Variants in MAN1C1 observed in about 807,000 individuals in gnomAD.
MAN1C1 encodes the protein mannosidase alpha class 1C member 1.
MAN1C1 carries 49 observed loss-of-function variants against 71.5 expected under a neutral mutation model. The ratio of observed to expected loss-of-function variants is 0.69; its 90% CI spans 0.54 to 0.87. The LOEUF (loss-of-function observed/expected upper bound fraction) is 0.87. MAN1C1 is among the 40% of genes least tolerant of loss of function. MAN1C1 has a pLI of 0.00. For synonymous variants in MAN1C1, 352 were observed against 343.7 expected (o/e 1.02, Z -0.27); for missense variants, 743 against 835.0 (o/e 0.89, Z 1.36).
intron 2 of MAN1C1, among the ~76,000 whole-genome samples, chr1:25,734,232 G>A (rs962759527): frequency 1.3e-5 from 2 of 152,186 alleles, no homozygotes; most frequent in African/African-American, 2.4e-5. Flanking sequence ...GGGTTCAAGC[G>A]ATTCTCATGC....
chr1:25,703,707 T>C (rs1239606363), intron 2 of MAN1C1, among the ~76,000 whole-genome samples: 1 of 152,182 alleles, frequency 6.6e-6, no homozygotes, highest in Non-Finnish European at 1.5e-5. Context: ...AAGTGGGATC[T>C]GCAGATGGGA....
intron 1 of MAN1C1, among the ~76,000 whole-genome samples, chr1:25,661,357 G>A (rs568546679): frequency 6.6e-6 from 1 of 152,346 alleles, no homozygotes; most frequent in African/African-American, 2.4e-5. Flanking sequence ...ACACAGCAAT[G>A]AACAAGACAG....
At chr1:25,687,088 CA>C (rs1182066407) in intron 2 of MAN1C1, among the ~76,000 whole-genome samples, 2 of 152,028 alleles carry the variant, frequency 1.3e-5, no homozygotes, top group African/African-American at 4.8e-5. Flanking sequence ...CCGGCCTGGG[CA>C]GCATATTGAG....
chr1:25,768,695 A>AAC (rs1233174695), intron 7 of MAN1C1, among the ~76,000 whole-genome samples: 5 of 108,450 alleles, frequency 4.6e-5, no homozygotes, highest in Admixed American at 1.9e-4. Context: ...ACGCTCCCTT[A>AAC]ACACACACAC....
chr1:25,724,363 TG>T (rs2046806431), intron 2 of MAN1C1, among the ~76,000 whole-genome samples: 1 of 152,162 alleles, frequency 6.6e-6, no homozygotes, highest in South Asian at 2.1e-4. Context: ...CCCTTGTGCC[TG>T]GGGGCAGCTG....
At chr1:25,705,100 GT>G (rs1440965048) in intron 2 of MAN1C1, among the ~76,000 whole-genome samples, 1 of 151,924 alleles carries the variant, frequency 6.6e-6, no homozygotes, top group South Asian at 2.1e-4. Flanking sequence ...TACTCGATCC[GT>G]TTTTTTCTCT....
At chr1:25,682,717 G>C (rs888693766) in intron 1 of MAN1C1, among the ~76,000 whole-genome samples, 14 of 152,170 alleles carry the variant, frequency 9.2e-5, no homozygotes, top group Admixed American at 7.9e-4. Flanking sequence ...GGAAGGTGGA[G>C]AGCAGCCCAT....
intron 2 of MAN1C1, among the ~76,000 whole-genome samples, chr1:25,742,750 G>T (rs776121909): frequency 6.6e-6 from 1 of 152,238 alleles, no homozygotes; most frequent in Non-Finnish European, 1.5e-5. Flanking sequence ...CACAGCTAGG[G>T]TATAAGAGGC....
intron 1 of MAN1C1, among the ~76,000 whole-genome samples, chr1:25,671,499 C>T (rs556151841): frequency 6.6e-6 from 1 of 152,102 alleles, no homozygotes; most frequent in Non-Finnish European, 1.5e-5. Context: ...ATGATTATCC[C>T]GTAGAGGTGT....
intron 7 of MAN1C1, 89 bp from the exon 8 acceptor site, chr1:25,771,568 C>A: frequency 1.1e-6 from 1 of 936,158 alleles, no homozygotes; most frequent in Non-Finnish European, 1.7e-6. Flanking sequence ...AGGCACCGGG[C>A]CCCTGAGGTC....
rs561077745 is a variant in MAN1C1, at chr1:25,687,951, G to A, written c.637+1415G>A. The stretch of plus-strand genomic sequence containing the variant: ...TTATATACCATTTTATGTCCTTTCT[G>A]CTTTTTTTTTGACTTCATGTTATAT... On this transcript the variant is annotated intron_variant, in intron 2 of 11. Transcript: ENST00000374332. Among the ~76,000 whole-genome samples, 6 of 151,576 alleles carry A rather than the reference G, an allele frequency of 4.0e-5. No homozygotes were observed. The East Asian group carries it at 5.8e-4, about 15-fold the overall frequency.
At chr1:25,740,528 C>G (rs1004281583) in intron 2 of MAN1C1, among the ~76,000 whole-genome samples, 6 of 152,160 alleles carry the variant, frequency 3.9e-5, no homozygotes, top group African/African-American at 1.4e-4. Flanking sequence ...GCTCCGCCTC[C>G]CGAGTTCATG....
chr1:25,667,793 A>G (rs944829384), intron 1 of MAN1C1, among the ~76,000 whole-genome samples: 5 of 152,188 alleles, frequency 3.3e-5, no homozygotes, highest in African/African-American at 1.2e-4. Flanking sequence ...GGAGTGAGAA[A>G]ACACCACCAG....
At position 25,776,610 on chromosome 1, in the gene MAN1C1, C is replaced by A. The variant is rs1355816889; in HGVS notation, c.1258-1495C>A. On this transcript the variant is annotated intron_variant, in intron 8 of 11. Transcript: ENST00000374332. The surrounding 1 kb of genome is among the most constrained non-coding windows in gnomAD (Gnocchi z 4.3). ...TTGGTTTTGTTGGGAATTCTCTGCA[C>A]TAATGGGTGAGCTCCCTGAGGCAGA... Among the ~76,000 whole-genome samples the A allele has an allele frequency of 6.6e-6, 1 of 152,184 alleles. No individual in the cohort carries two copies. The highest frequency in any genetic ancestry group is 2.4e-5 in the African/African-American group (1 of 41,438).
At chr1:25,686,088 C>T (rs1361249140) in intron 1 of MAN1C1, among the ~76,000 whole-genome samples, 1 of 152,216 alleles carries the variant, frequency 6.6e-6, no homozygotes, top group Non-Finnish European at 1.5e-5. Flanking sequence ...CATTTTCCTT[C>T]CCTTCGGAGG....
At chr1:25,731,336 GTCATCATCATCATCA>G (rs61554526) in intron 2 of MAN1C1, among the ~76,000 whole-genome samples, 57 of 150,540 alleles carry the variant, frequency 3.8e-4, no homozygotes, top group Non-Finnish European at 7.4e-4. Context: ...CATCATCATC[GTCATCATCATCATCA>G]TCATCATCAT....
chr1:25,660,757 C>G (rs3014713), intron 1 of MAN1C1, among the ~76,000 whole-genome samples: 37,954 of 151,748 alleles, frequency 0.25, 4,881 homozygotes, highest in East Asian at 0.37. Flanking sequence ...GTGGTGCAGT[C>G]ATGGCTCACT....
intron 2 of MAN1C1, among the ~76,000 whole-genome samples, chr1:25,694,584 C>G (rs2046346829): frequency 6.6e-6 from 1 of 152,168 alleles, no homozygotes; most frequent in African/African-American, 2.4e-5. Flanking sequence ...GGGAATAAAT[C>G]CAGGCCCCAA....
chr1:25,698,132 C>A (rs944364969), intron 2 of MAN1C1, among the ~76,000 whole-genome samples: 3 of 152,216 alleles, frequency 2.0e-5, no homozygotes, highest in Non-Finnish European at 4.4e-5. Flanking sequence ...TTCCTTCATC[C>A]TCTTCTCTTC....
Sources: gnomAD v4.1 joint callset for allele counts (sites outside exome capture counted in the v4.1 genomes callset) on GRCh38, gnomAD v4.1.1 for gene constraint, Gnocchi (gnomAD v3.1) non-coding constraint, MANE v1.5 for transcripts, NCBI Gene and HGNC (gene_info 2026-07-23, HGNC 2026-07-21) for gene names.